The following HDAC9 variants were observed in gnomAD, a reference collection of about 807,000 sequenced individuals.
HDAC9 encodes MEF-2 interacting transcription repressor (MITR) protein.
A neutral mutation model predicts 139.4 loss-of-function variants in HDAC9; 41 were observed. The ratio of observed to expected loss-of-function variants is 0.29; its 90% CI spans 0.23 to 0.38. HDAC9 has a LOEUF of 0.38. HDAC9 is among the 10% of genes least tolerant of loss of function. The pLI is 1.00. For synonymous variants in HDAC9, 517 were observed against 476.2 expected, an observed-to-expected ratio of 1.09 and a Z score of -1.12; for missense variants, 1,147 against 1,297.0, an observed-to-expected ratio of 0.88 and a Z score of 1.78.
intron 23 of HDAC9, among the ~76,000 whole-genome samples, chr7:18,951,231 G>T (rs1782770387): frequency 6.6e-6 from 1 of 151,950 alleles, no homozygotes; most frequent in Non-Finnish European, 1.5e-5. Context: ...AATAGCTGCA[G>T]TACTTAGAAT....
chr7:18,700,620 G>C (rs878862125), intron 12 of HDAC9, among the ~76,000 whole-genome samples: 2 of 152,158 alleles, frequency 1.3e-5, no homozygotes, highest in Non-Finnish European at 2.9e-5. Flanking sequence ...CAATAAACAC[G>C]CATTATTACC....
intron 13 of HDAC9, among the ~76,000 whole-genome samples, chr7:18,747,526 G>A (rs1788084455): frequency 6.6e-6 from 1 of 152,154 alleles, no homozygotes; most frequent in Non-Finnish European, 1.5e-5. Context: ...GTAATATCGT[G>A]TGTGGTTTAA....
upstream of HDAC9, among the ~76,000 whole-genome samples, chr7:18,288,403 C>T (rs1178603764): frequency 2.0e-5 from 3 of 152,112 alleles, 1 homozygote; most frequent in Non-Finnish European, 2.9e-5. Context: ...TTTATTGTTT[C>T]TTATTCTAAT....
chr7:18,296,999 A>G (rs908046363), intron 1 of HDAC9, among the ~76,000 whole-genome samples: 2 of 152,208 alleles, frequency 1.3e-5, no homozygotes, highest in Admixed American at 6.5e-5. Context: ...TGTACTTGCC[A>G]TGGAAGCAGG....
At chr7:18,593,431 C>G (rs761180295) in intron 5 of HDAC9, among the ~76,000 whole-genome samples, 1 of 152,002 alleles carries the variant, frequency 6.6e-6, no homozygotes, top group Admixed American at 6.6e-5. Context: ...GATGGGAGTC[C>G]GTTGGCACAA....
At position 18,593,894 on chromosome 7, in the gene HDAC9, C is replaced by T. The variant is rs746152547; in HGVS notation, c.543-14C>T. ...ACTACCAAGTAAATAGTGAAACTTCCTTGTCTTTTCTAGGGCTGCCCACCA... is the reference window on the plus strand; with the variant it reads ...ACTACCAAGTAAATAGTGAAACTTCTTTGTCTTTTCTAGGGCTGCCCACCA... On this transcript the variant is annotated splice_polypyrimidine_tract_variant and intron_variant, in intron 5 of 25. Coordinates refer to ENST00000686413, the MANE Select transcript of HDAC9 (RefSeq NM_178425.4). 2.5e-6 allele frequency: 4 copies of T among 1,611,764 alleles called. No homozygotes were observed. Among genetic ancestry groups the T allele is most frequent in the African/African-American group, 1.3e-5 (1 of 74,806 alleles).
intron 1 of HDAC9, among the ~76,000 whole-genome samples, chr7:18,421,737 C>T (rs1168372704): frequency 6.6e-6 from 1 of 152,272 alleles, no homozygotes; most frequent in Non-Finnish European, 1.5e-5. Flanking sequence ...TTAGCTCCCC[C>T]AAAACAGTCT....
intron 23 of HDAC9, among the ~76,000 whole-genome samples, chr7:18,949,960 A>G (rs1214845633): frequency 6.6e-6 from 1 of 152,108 alleles, no homozygotes; most frequent in African/African-American, 2.4e-5. Flanking sequence ...CCAAATACCT[A>G]GAATAAATCT....
chr7:18,112,266 C>A (rs1054427044), intron 1 of HDAC9, among the ~76,000 whole-genome samples: 3 of 152,056 alleles, frequency 2.0e-5, no homozygotes, highest in Non-Finnish European at 4.4e-5. Flanking sequence ...GTATTTACAC[C>A]GTGGAAATTG....
intron 21 of HDAC9, among the ~76,000 whole-genome samples, chr7:18,852,750 G>C (rs1395103482): frequency 6.6e-6 from 1 of 152,038 alleles, no homozygotes; most frequent in African/African-American, 2.4e-5. Flanking sequence ...ATTTCTTAGA[G>C]AAACTGCACT....
intron 1 of HDAC9, among the ~76,000 whole-genome samples, chr7:18,337,902 A>G (rs796081438): frequency 5.3e-5 from 8 of 151,786 alleles, no homozygotes; most frequent in African/African-American, 1.9e-4. Flanking sequence ...TTTGGACTTC[A>G]GTTTTCTCAT....
chr7:18,286,848 T>C (rs1388938476), upstream of HDAC9, among the ~76,000 whole-genome samples: 3 of 152,170 alleles, frequency 2.0e-5, no homozygotes, highest in Non-Finnish European at 2.9e-5. Context: ...TTTAGAACAC[T>C]AGGTCTTTTT....
chr7:18,574,822 C>G (rs1277100009), intron 2 of HDAC9, among the ~76,000 whole-genome samples: 2 of 152,256 alleles, frequency 1.3e-5, no homozygotes, highest in Non-Finnish European at 2.9e-5. Context: ...GTGCTGGGAG[C>G]ATGGAGAGGC....
intron 2 of HDAC9, among the ~76,000 whole-genome samples, chr7:18,217,234 C>A (rs1225991335): frequency 6.6e-6 from 1 of 151,760 alleles, no homozygotes; most frequent in Non-Finnish European, 1.5e-5. Context: ...CTTTATAATT[C>A]TTTTATTCTT....
chr7:18,734,437 T>C (rs1786693676), intron 13 of HDAC9, among the ~76,000 whole-genome samples: 1 of 152,162 alleles, frequency 6.6e-6, no homozygotes, highest in Non-Finnish European at 1.5e-5. Context: ...AGTCCAAGTG[T>C]TCTCACTGTT....
At chr7:18,236,606 A>G (rs1007361337) in intron 2 of HDAC9, among the ~76,000 whole-genome samples, 5 of 152,316 alleles carry the variant, frequency 3.3e-5, no homozygotes, top group South Asian at 4.1e-4. Flanking sequence ...AGAATTTTCT[A>G]TGTACACTCT....
chr7:18,417,491 A>G (rs1236196304), intron 1 of HDAC9, among the ~76,000 whole-genome samples: 2 of 152,038 alleles, frequency 1.3e-5, no homozygotes, highest in African/African-American at 4.8e-5. Flanking sequence ...GTGAGTTTTA[A>G]CTTCTTGGGT....
chr7:18,977,361 G>T (rs1034247556), intron 25 of HDAC9, among the ~76,000 whole-genome samples: 1 of 152,164 alleles, frequency 6.6e-6, no homozygotes, highest in African/African-American at 2.4e-5. Context: ...TATAAAAGGA[G>T]CATAGCTATT....
chr7:18,100,812 CAT>C (rs1782801716), intron 1 of HDAC9, among the ~76,000 whole-genome samples: 1 of 152,050 alleles, frequency 6.6e-6, no homozygotes, highest in Admixed American at 6.5e-5. Flanking sequence ...GGATGCCAGA[CAT>C]CGTGAATTGT....
Sources: gnomAD v4.1 joint callset for allele counts (sites outside exome capture counted in the v4.1 genomes callset) on GRCh38, gnomAD v4.1.1 for gene constraint, MANE v1.5 for transcripts, NCBI Gene and HGNC (gene_info 2026-07-23, HGNC 2026-07-21) for gene names.